Variants in CFAP92 observed in about 807,000 individuals in gnomAD.
CFAP92 encodes the protein cilia and flagella associated protein 92 (putative), also known as uncharacterized protein CFAP92.
Under a neutral mutation model 106.3 loss-of-function variants are expected in CFAP92, and 86 were observed. That is an observed-to-expected ratio of 0.81 (90% CI 0.68 to 0.97). The LOEUF (loss-of-function observed/expected upper bound fraction) is 0.97, where lower values mean the gene tolerates loss of function less well. Ranked by LOEUF, CFAP92 falls within the 50% of genes least tolerant of loss-of-function variation. The pLI, the probability that CFAP92 is intolerant of heterozygous loss-of-function variation, is 0.00. For missense variants in CFAP92, 1,204 were observed against 1,283.8 expected, an observed-to-expected ratio of 0.94 and a Z score of 0.95; for synonymous variants, 477 against 506.4, an observed-to-expected ratio of 0.94 and a Z score of 0.78.
chr3:128,912,424 G>A (rs1936436770), intron 15 of CFAP92: 1 of 1,283,692 alleles, frequency 7.8e-7, no homozygotes, highest in South Asian at 1.2e-5. Context: ...GGCTGACTTT[G>A]TGGAAAAATG....
chr3:128,993,144 C>T lies in CFAP92; in HGVS notation c.161G>A (p.Ser54Asn), dbSNP rs1944322895. The T allele has an allele frequency of 6.2e-7, 1 of 1,613,980 alleles. No homozygotes were observed. Among genetic ancestry groups the T allele is most frequent in the Non-Finnish European group, 8.5e-7 (1 of 1,179,914 alleles). ...QESDSDRPCSSIESSSEPAST... is the reference protein window; with the variant it reads ...QESDSDRPCSNIESSSEPAST... Reference sequence around the variant, plus strand: ...GGCAGGCTCAGATGAGGACTCGATGCTGCTGCACGGGCGGTCAGAGTCAGA... The same window carrying T: ...GGCAGGCTCAGATGAGGACTCGATGTTGCTGCACGGGCGGTCAGAGTCAGA... The change falls in exon 2 of 16, where the codon AGC becomes AAC. Residue 54 changes from serine (S) to asparagine (N), a missense_variant. Physicochemically the swap from Ser to Asn is conservative, Grantham distance 46 (BLOSUM62 1). Transcript: ENST00000645291.
intron 2 of CFAP92, 46 bp from the exon 3 acceptor site, chr3:128,988,964 A>G: frequency 1.4e-6 from 2 of 1,458,376 alleles, no homozygotes; most frequent in Non-Finnish European, 1.9e-6. Flanking sequence ...CTCATGTGGA[A>G]AAGCAGACCC....
intron 7 of CFAP92, among the ~76,000 whole-genome samples, chr3:128,973,518 T>C (rs6778913): frequency 0.21 from 32,037 of 152,000 alleles, 3,708 homozygotes; most frequent in Middle Eastern, 0.27. Context: ...TAGCCAGGCA[T>C]GGTAGCACAT....
At chr3:128,914,910 G>A in intron 15 of CFAP92, 2 of 571,242 alleles carry the variant, frequency 3.5e-6, no homozygotes, top group Non-Finnish European at 6.2e-6. Context: ...TCACACAAAT[G>A]TCACACTTGG....
chr3:128,932,273 C>G (rs980129726), intron 12 of CFAP92, among the ~76,000 whole-genome samples: 51 of 152,144 alleles, frequency 3.4e-4, no homozygotes, highest in African/African-American at 1.2e-3. Flanking sequence ...CCCTCACCAG[C>G]TTCTCAGTCT....
upstream of CFAP92, among the ~76,000 whole-genome samples, chr3:128,995,585 C>A (rs1159125267): frequency 1.3e-5 from 2 of 152,194 alleles, no homozygotes; most frequent in South Asian, 4.1e-4. Flanking sequence ...AGACATCAGG[C>A]CTCCTGCTCC....
intron 12 of CFAP92, among the ~76,000 whole-genome samples, chr3:128,924,965 A>G (rs1937556007): frequency 6.6e-6 from 1 of 152,172 alleles, no homozygotes; most frequent in Admixed American, 6.5e-5. Context: ...CCTCCATACT[A>G]GCACTGGCCC....
chr3:129,002,172 C>G, intron 1 of CFAP92: 2 of 1,477,076 alleles, frequency 1.4e-6, no homozygotes, highest in South Asian at 1.3e-5. Flanking sequence ...TCCGCGCCGC[C>G]GCCGCCGCCC....
intron 8 of CFAP92, among the ~76,000 whole-genome samples, chr3:128,966,405 C>T (rs1292264903): frequency 2.6e-5 from 4 of 152,142 alleles, no homozygotes; most frequent in African/African-American, 9.7e-5. Context: ...ATGAGGAAAG[C>T]ACAGATACTG....
intron 9 of CFAP92, among the ~76,000 whole-genome samples, chr3:128,947,618 A>G (rs1211730704): frequency 6.6e-6 from 1 of 152,242 alleles, no homozygotes; most frequent in Admixed American, 6.5e-5. Context: ...ATGTTTATCA[A>G]AAGTGCAAAA....
chr3:128,912,579 G>T lies in CFAP92; in HGVS notation c.3281-2246C>A, dbSNP rs763539517. On this transcript the variant is annotated intron_variant, in intron 15 of 15. Transcript: ENST00000645291. ...ATCCTTGAGAAGCGAGCCTATATCT[G>T]TGCCCACCCTCTGGACAGGACATGC... 9.9e-6 allele frequency: 16 copies of T among 1,614,202 alleles called. No individual in the cohort carries two copies. In the South Asian group the frequency reaches 1.8e-4, roughly 18 times the overall value.
At chr3:128,943,830 C>A (rs1939911578) in intron 10 of CFAP92, among the ~76,000 whole-genome samples, 1 of 151,832 alleles carries the variant, frequency 6.6e-6, no homozygotes, top group Non-Finnish European at 1.5e-5. Flanking sequence ...AGCCACCGTG[C>A]CTGGCTTTCA....
At chr3:128,973,863 C>T (rs933887700) in intron 7 of CFAP92, among the ~76,000 whole-genome samples, 3 of 152,166 alleles carry the variant, frequency 2.0e-5, no homozygotes, top group South Asian at 2.1e-4. Context: ...GGACTGTGTG[C>T]ATGCAGGACG....
Position 128,976,966 on chromosome 3 carries a change from G to T in CFAP92, c.896+13C>A, listed in dbSNP as rs6779413. 3 of 1,608,370 alleles carry T rather than the reference G, an allele frequency of 1.9e-6. No individual in the cohort carries two copies. The highest frequency in any genetic ancestry group is 1.3e-5 in the African/African-American group (1 of 74,702). ...CTCCACTCCCACCACCCAAAATATCGTTCAATCCTTACTGAATCGTGGAAG... is the reference window on the plus strand; with the variant it reads ...CTCCACTCCCACCACCCAAAATATCTTTCAATCCTTACTGAATCGTGGAAG... On this transcript the variant is annotated intron_variant, in intron 6 of 15. Coordinates refer to ENST00000645291, the MANE Select transcript of CFAP92 (RefSeq NM_001394090.1).
intron 9 of CFAP92, among the ~76,000 whole-genome samples, chr3:128,953,616 TCTCC>T (rs1421862588): frequency 0.012 from 743 of 63,490 alleles, 53 homozygotes; most frequent in African/African-American, 0.039. Flanking sequence ...TCCCTCTCCC[TCTCC>T]CTCCCTCTCC....
intron 10 of CFAP92, among the ~76,000 whole-genome samples, chr3:128,938,463 C>T (rs76512507): frequency 0.013 from 2,020 of 149,710 alleles, 46 homozygotes; most frequent in African/African-American, 0.047. Flanking sequence ...AGACCAGAAA[C>T]AAGGCAAGTG....
intron 2 of CFAP92, 29 bp downstream of exon 2, chr3:128,993,014 G>A (rs543582338): frequency 4.3e-6 from 7 of 1,609,358 alleles, no homozygotes; most frequent in Non-Finnish European, 3.4e-6. Context: ...TTTTTTCAGA[G>A]GGTGTTAAAC....
chr3:129,018,380 T>G, the CFAP92 span, among the ~76,000 whole-genome samples: 1 of 152,152 alleles, frequency 6.6e-6, no homozygotes, highest in Non-Finnish European at 1.5e-5. Context: ...AGGAAAAAAC[T>G]AAAAAAGGGA....
intron 9 of CFAP92, among the ~76,000 whole-genome samples, chr3:128,956,207 T>TAAAA (rs1256391409): frequency 1.9e-5 from 1 of 53,218 alleles, no homozygotes; most frequent in African/African-American, 1.4e-4. Context: ...AAAAAAAAAA[T>TAAAA]AAAAAAATAA....
Sources: allele counts gnomAD v4.1 joint callset (sites outside exome capture counted in the v4.1 genomes callset), GRCh38; gene constraint gnomAD v4.1.1; transcripts MANE v1.5; gene names NCBI Gene and HGNC (gene_info 2026-07-23, HGNC 2026-07-21).